ADSL: variants seen among roughly 807,000 people sequenced by gnomAD.
ADSL encodes the protein adenylosuccinase.
A neutral mutation model predicts 62.1 loss-of-function variants in ADSL; 44 were observed. The observed-to-expected ratio is 0.71, with a 90% confidence interval of 0.56 to 0.91. The LOEUF is 0.91. Among genes scored for constraint, ADSL ranks in the 40% least tolerant of loss-of-function variants. ADSL has a pLI of 0.00. For synonymous variants in ADSL, 198 were observed against 220.5 expected (o/e 0.90, Z 0.90); for missense variants, 531 against 627.4 (o/e 0.85, Z 1.64).
At chr22:40,373,281 T>C (rs1312169506), downstream of ADSL, 1 of 152,260 alleles carries the variant, frequency 6.6e-6, no homozygotes, top group Non-Finnish European at 1.5e-5. Flanking sequence ...TAAAAATATA[T>C]GAAACTTTCC....
chr22:40,353,392 A>C (rs1244681141), intron 3 of ADSL: 1 of 702,458 alleles, frequency 1.4e-6, no homozygotes, highest in East Asian at 2.7e-5. Context: ...TCCCAGGCTC[A>C]GACAGCTCTC....
chr22:40,386,829 G>A (rs1161441183), intron 2 of ADSL, among the ~76,000 whole-genome samples: 1 of 152,022 alleles, frequency 6.6e-6, no homozygotes, highest in African/African-American at 2.4e-5. Flanking sequence ...CAGTACTAAA[G>A]AAGTTAATGG....
chr22:40,351,327 C>T (rs2044338289), intron 2 of ADSL, among the ~76,000 whole-genome samples: 3 of 152,068 alleles, frequency 2.0e-5, no homozygotes, highest in Admixed American at 2.0e-4. Context: ...CCTGCCGCCA[C>T]GCCCAGCTAA....
At chr22:40,364,394 G>C in intron 11 of ADSL, 29 bp downstream of exon 11, 1 of 1,593,800 alleles carries the variant, frequency 6.3e-7, no homozygotes, top group South Asian at 1.1e-5. Flanking sequence ...TCCTGGATAA[G>C]TTGAGAGTGC....
At chr22:40,353,528 C>T in intron 3 of ADSL, 1 of 632,364 alleles carries the variant, frequency 1.6e-6, no homozygotes, top group South Asian at 1.8e-5. Context: ...AAGGGATCCA[C>T]CCGTCTTGGC....
chr22:40,350,813 G>T (rs2044318032), intron 2 of ADSL, among the ~76,000 whole-genome samples: 1 of 151,824 alleles, frequency 6.6e-6, no homozygotes, highest in Non-Finnish European at 1.5e-5. Flanking sequence ...GTAGAGAGGG[G>T]TTTTGCCATG....
chr22:40,364,793 G>A (rs1234213406), intron 11 of ADSL, 87 bp from the exon 12 acceptor site: 21 of 1,392,524 alleles, frequency 1.5e-5, no homozygotes, highest in Non-Finnish European at 2.1e-5. Context: ...TGTGTAGACT[G>A]CATGGATGGG....
intron 6 of ADSL, among the ~76,000 whole-genome samples, chr22:40,360,088 G>C (rs536396422): frequency 6.6e-6 from 1 of 152,266 alleles, no homozygotes; most frequent in African/African-American, 2.4e-5. Context: ...ATTGTCCTGA[G>C]TATTAGTGAA....
chr22:40,361,423 T>C, intron 8 of ADSL, 65 bp from the exon 9 acceptor site: 1 of 1,613,148 alleles, frequency 6.2e-7, no homozygotes, highest in Non-Finnish European at 8.5e-7. Context: ...TTCAGCATGC[T>C]TGCCTACTCA....
chr22:40,380,032 C>T (rs960027792), intron 2 of ADSL, among the ~76,000 whole-genome samples: 2 of 152,034 alleles, frequency 1.3e-5, no homozygotes, highest in Non-Finnish European at 2.9e-5. Context: ...ATTAACTGGC[C>T]TTGGGTTGTT....
chr22:40,361,157 T>C (rs1057068055), intron 7 of ADSL, 116 bp from the exon 8 acceptor site: 2 of 984,086 alleles, frequency 2.0e-6, no homozygotes, highest in Non-Finnish European at 3.3e-6. Context: ...GCGCTGGTCT[T>C]CAGCTCAGCC....
chr22:40,355,027 AAGAC>A (rs761800209), intron 4 of ADSL, among the ~76,000 whole-genome samples: 4 of 151,962 alleles, frequency 2.6e-5, no homozygotes, highest in Non-Finnish European at 5.9e-5. Flanking sequence ...TATGGTAACA[AAGAC>A]AGTTTATAAA....
intron 2 of ADSL, among the ~76,000 whole-genome samples, chr22:40,384,907 A>G (rs557164608): frequency 4.6e-5 from 7 of 152,388 alleles, no homozygotes; most frequent in African/African-American, 1.4e-4. Context: ...TATGACAGTA[A>G]TAGCTAAATC....
intron 4 of ADSL, among the ~76,000 whole-genome samples, chr22:40,355,090 T>G (rs1374640590): frequency 2.6e-5 from 4 of 152,156 alleles, no homozygotes; most frequent in Non-Finnish European, 5.9e-5. Flanking sequence ...TGTTGATTAC[T>G]CTGGTTTATG....
chr22:40,380,287 A>G (rs1034556330), intron 2 of ADSL, among the ~76,000 whole-genome samples: 1 of 152,152 alleles, frequency 6.6e-6, no homozygotes, highest in African/African-American at 2.4e-5. Context: ...AATAATCAGT[A>G]AACATTCTGG....
chr22:40,353,248 T>G, intron 3 of ADSL, 131 bp downstream of exon 3: 1 of 752,066 alleles, frequency 1.3e-6, no homozygotes, highest in Non-Finnish European at 2.4e-6. Context: ...ATGACAACCC[T>G]ATGTTTAATC....
At chr22:40,384,697 C>A (rs990323795) in intron 2 of ADSL, among the ~76,000 whole-genome samples, 2 of 152,160 alleles carry the variant, frequency 1.3e-5, no homozygotes, top group Admixed American at 6.5e-5. Flanking sequence ...GGAGAATGGG[C>A]ATGGATCTGG....
Position 40,346,722 on chromosome 22 carries a change from C to G in ADSL, c.153+11C>G, listed in dbSNP as rs754451782. The G allele has an allele frequency of 3.1e-6, 5 of 1,598,574 alleles. No individual in the cohort carries two copies. The African/African-American group carries it at 6.7e-5, about 21-fold the overall frequency. On this transcript the variant is annotated intron_variant, in intron 1 of 12. Transcript: ENST00000623063. ...GCGGAGGCCGAGCAGGTAACGGATC[C>G]CGGGCTGAGGGGCTGGGCCGGGAGG...
At chr22:40,380,006 C>T (rs968920460) in intron 2 of ADSL, among the ~76,000 whole-genome samples, 3 of 152,228 alleles carry the variant, frequency 2.0e-5, no homozygotes, top group Middle Eastern at 3.4e-3. Context: ...CCATCGTGCT[C>T]GGCCTGGTTT....
Sources: gnomAD v4.1 joint callset for allele counts (sites outside exome capture counted in the v4.1 genomes callset) on GRCh38, gnomAD v4.1.1 for gene constraint, MANE v1.5 for transcripts, NCBI Gene and HGNC (gene_info 2026-07-23, HGNC 2026-07-21) for gene names.